Variants in SSBP4 observed in about 807,000 individuals in gnomAD.
The protein encoded by SSBP4 is single-stranded DNA-binding protein 4.
SSBP4 carries 33 observed loss-of-function variants against 64.6 expected under a neutral mutation model. The ratio of observed to expected loss-of-function variants is 0.51; its 90% CI spans 0.39 to 0.68. The LOEUF is 0.68. Among genes scored for constraint, SSBP4 ranks in the 30% least tolerant of loss-of-function variants. The pLI is 0.00. For missense variants in SSBP4, 583 were observed against 566.8 expected, an observed-to-expected ratio of 1.03 and a Z score of -0.29; for synonymous variants, 243 against 224.0, an observed-to-expected ratio of 1.08 and a Z score of -0.76.
the SSBP4 span, among the ~76,000 whole-genome samples, chr19:18,411,012 C>T: frequency 6.6e-6 from 1 of 152,164 alleles, no homozygotes; most frequent in East Asian, 1.9e-4. Context: ...CGGTGGCTCA[C>T]GCCTGTAATC....
At chr19:18,429,543 C>T (rs1463385788) in intron 4 of SSBP4, among the ~76,000 whole-genome samples, 4 of 151,792 alleles carry the variant, frequency 2.6e-5, no homozygotes, top group Admixed American at 2.6e-4. Flanking sequence ...GAGGGGATTG[C>T]CCTCCCTGCG....
chr19:18,434,184 G>T, intron 17 of SSBP4, 33 bp from the exon 18 acceptor site: 1 of 1,609,712 alleles, frequency 6.2e-7, no homozygotes, highest in Non-Finnish European at 8.5e-7. Context: ...GCTGAACTCG[G>T]CCCCTGCGCG....
At chr19:18,421,250 G>A (rs1972448094) in intron 1 of SSBP4, among the ~76,000 whole-genome samples, 1 of 152,246 alleles carries the variant, frequency 6.6e-6, no homozygotes, top group Non-Finnish European at 1.5e-5. Context: ...GCACTGTCAG[G>A]CCTCCCTTGC....
the SSBP4 span, among the ~76,000 whole-genome samples, chr19:18,413,460 C>T: frequency 1.5e-4 from 23 of 152,112 alleles, no homozygotes; most frequent in Non-Finnish European, 1.2e-4. Flanking sequence ...GTGATCCACT[C>T]GCCTTGGCCT....
the SSBP4 span, among the ~76,000 whole-genome samples, chr19:18,413,442 G>C: frequency 6.6e-6 from 1 of 152,106 alleles, no homozygotes; most frequent in Non-Finnish European, 1.5e-5. Flanking sequence ...TCAAACTCCT[G>C]ACCTCAGGTG....
In SSBP4 at chr19:18,433,623, C is replaced by A. The variant is rs1271739885; in HGVS notation, c.1020+10C>A. 1 of 1,318,258 alleles carries A rather than the reference C, an allele frequency of 7.6e-7. No individual in the cohort carries two copies. Among genetic ancestry groups the A allele is most frequent in the Admixed American group, 2.8e-5 (1 of 35,234 alleles). The allele number at this position is 1,318,258 out of a possible 1,614,324, so 81.7% of individuals were successfully genotyped here. ...GGACGGGTTGCCGAAGGTAAGGAGG[C>A]TGCGCTCTTGCCGGGGGTGGGATCC... On this transcript the variant is annotated intron_variant, in intron 16 of 17. Coordinates refer to ENST00000270061, the MANE Select transcript of SSBP4 (RefSeq NM_032627.5).
chr19:18,434,379 C>T lies in SSBP4; in HGVS notation c.*133C>T. 1.4e-6 allele frequency: 2 copies of T among 1,440,608 alleles called. No homozygotes were observed. The highest frequency in any genetic ancestry group is 2.6e-5 in the Admixed American group (1 of 37,846). 89.2% of individuals were successfully genotyped at this position (1,440,608 alleles called of 1,614,324 possible). A position where few individuals can be genotyped will look rare whatever the true frequency, so the allele number is the denominator to read the frequency against. ...CAAGGCTTGCCCAGCTGGGAGGCCC[C>T]ACACGAAAGACTCTTACCATTTTAT... On this transcript the variant is annotated 3_prime_UTR_variant, in exon 18 of 18. Transcript: ENST00000270061.
chr19:18,421,807 T>C (rs1029453229), intron 1 of SSBP4, among the ~76,000 whole-genome samples: 26 of 152,176 alleles, frequency 1.7e-4, no homozygotes, highest in Non-Finnish European at 2.6e-4. Context: ...GTGGGGCTTA[T>C]AGGGGTCAGG....
At chr19:18,431,506 C>G in intron 6 of SSBP4, 88 bp downstream of exon 6, 1 of 1,272,154 alleles carries the variant, frequency 7.9e-7, no homozygotes, top group Non-Finnish European at 1.1e-6. Flanking sequence ...GAGGTCCTGG[C>G]TGGTGCCAGC....
At position 18,427,782 on chromosome 19, in the gene SSBP4, G is replaced by A; in HGVS notation, c.163G>A (p.Glu55Lys). The change falls in exon 3 of 18, where the codon GAG (glutamate) becomes AAG (lysine). Residue 55 changes from glutamate to lysine, a missense_variant. By Grantham distance (56) the Glu-to-Lys change is moderately conservative. Around this residue, in one of 5 missense-constraint regions of SSBP4, gnomAD observed 43 missense variants for 74.2 expected, o/e 0.58. Coordinates refer to ENST00000270061, the MANE Select transcript of SSBP4 (RefSeq NM_032627.5). This position sits in a 1 kb window ranked among gnomAD's most constrained non-coding sequence, Gnocchi z 4.4. ...ATGGGAGAAGAACATCACGCTGGGG[G>A]AGCCCCCTGGGTTCCTGCACTCCTG... is the stretch of plus-strand genomic sequence containing the variant. ...IRWEKNITLGEPPGFLHSWWC... is the reference protein window; with the variant it reads ...IRWEKNITLGKPPGFLHSWWC... The A allele has an allele frequency of 6.2e-7, 1 of 1,604,930 alleles. No individual in the cohort carries two copies. The highest frequency in any genetic ancestry group is 8.5e-7 in the Non-Finnish European group (1 of 1,172,768).
At chr19:18,404,609 A>G in the SSBP4 span, among the ~76,000 whole-genome samples, 1 of 142,564 alleles carries the variant, frequency 7.0e-6, no homozygotes, top group African/African-American at 2.6e-5. Context: ...AAAAAAAAAA[A>G]AGGCTGGGCG....
upstream of SSBP4, among the ~76,000 whole-genome samples, chr19:18,417,105 G>A (rs1386628464): frequency 6.6e-6 from 1 of 151,756 alleles, no homozygotes. The surrounding 1 kb of genome is among the most constrained non-coding windows in gnomAD (Gnocchi z 5.4). Flanking sequence ...CCTCCCCCGG[G>A]AGACCGACCG....
chr19:18,429,935 C>T (rs1375525582), intron 4 of SSBP4, among the ~76,000 whole-genome samples: 1 of 152,116 alleles, frequency 6.6e-6, no homozygotes, highest in Non-Finnish European at 1.5e-5. Flanking sequence ...CTCCTCTAGG[C>T]AGGGGGCCCC....
intron 4 of SSBP4, among the ~76,000 whole-genome samples, chr19:18,429,056 C>T (rs952740899): frequency 2.6e-5 from 4 of 152,180 alleles, no homozygotes; most frequent in South Asian, 2.1e-4. Flanking sequence ...ATGGCAGCGC[C>T]GGCGCAGAGC....
Position 18,427,279 on chromosome 19 carries a change from G to A in SSBP4, c.60-72G>A, listed in dbSNP as rs538427218. ...GCCACCTTTCCACCCGCCCTCCTGA[G>A]AGATGGAGGGGCTTTGGGGTGGGCC... On this transcript the variant is annotated intron_variant, in intron 1 of 17. Coordinates refer to ENST00000270061, the MANE Select transcript of SSBP4 (RefSeq NM_032627.5). This position sits in a 1 kb window ranked among gnomAD's most constrained non-coding sequence, Gnocchi z 4.4. The A allele has an allele frequency of 1.2e-4, 177 of 1,526,372 alleles. 1 individual carries two copies. In the African/African-American group the frequency reaches 2.2e-3, roughly 19 times the overall value. 94.6% of individuals were successfully genotyped at this position (1,526,372 alleles called of 1,614,324 possible).
chr19:18,426,550 CG>C lies in SSBP4; in HGVS notation c.60-797del, dbSNP rs893543974. On this transcript the variant is annotated intron_variant, in intron 1 of 17. Coordinates refer to ENST00000270061, the MANE Select transcript of SSBP4 (RefSeq NM_032627.5). The surrounding 1 kb of genome is among the most constrained non-coding windows in gnomAD (Gnocchi z 4.5). Reference sequence around the variant, plus strand: ...CTCTGGTGTGGCAGCTGGACTGGAGCGGGGTGGACAGTCCGGCCTCCCCCTG... The same window carrying C: ...CTCTGGTGTGGCAGCTGGACTGGAGCGGGTGGACAGTCCGGCCTCCCCCTG... 1.3e-5 allele frequency among the ~76,000 whole-genome samples: 2 copies of C among 152,108 alleles called. No homozygotes were observed. The highest frequency in any genetic ancestry group is 2.4e-5 in the African/African-American group (1 of 41,400).
At chr19:18,430,754 G>T in intron 4 of SSBP4, 87 bp from the exon 5 acceptor site, 1 of 1,161,580 alleles carries the variant, frequency 8.6e-7, no homozygotes, top group Non-Finnish European at 1.1e-6. Context: ...CATGGGGCCG[G>T]CCACCTGCAG....
intron 1 of SSBP4, among the ~76,000 whole-genome samples, chr19:18,420,938 G>A (rs1972420384): frequency 6.6e-6 from 1 of 152,044 alleles, no homozygotes; most frequent in Non-Finnish European, 1.5e-5. Context: ...GATCCTTGAA[G>A]TTGAGCCACC....
At chr19:18,414,079 T>C (rs371570513), upstream of SSBP4, among the ~76,000 whole-genome samples, 24 of 151,378 alleles carry the variant, frequency 1.6e-4, no homozygotes, top group African/African-American at 5.6e-4. Flanking sequence ...AGGTGAGGAG[T>C]AGCAGAAGCT....
Sources: allele counts gnomAD v4.1 joint callset (sites outside exome capture counted in the v4.1 genomes callset), GRCh38; gene constraint gnomAD v4.1.1; regional missense constraint gnomAD v4.1.1; non-coding constraint Gnocchi (gnomAD v3.1); transcripts MANE v1.5; gene names NCBI Gene and HGNC (gene_info 2026-07-23, HGNC 2026-07-21).